QKI: variants seen among roughly 807,000 people sequenced by gnomAD.
The protein encoded by QKI is KH domain-containing RNA-binding protein QKI.
QKI carries 10 observed loss-of-function variants against 39.0 expected under a neutral mutation model. That is an observed-to-expected ratio of 0.26 (90% CI 0.16 to 0.43). The LOEUF (loss-of-function observed/expected upper bound fraction) is 0.43. QKI is among the 20% of genes least tolerant of loss of function. The pLI is 1.00. For missense variants in QKI, 218 were observed against 428.0 expected, an observed-to-expected ratio of 0.51 and a Z score of 4.33; for synonymous variants, 204 against 155.4, an observed-to-expected ratio of 1.31 and a Z score of -2.33.
intron 3 of QKI, among the ~76,000 whole-genome samples, chr6:163,492,586 T>C (rs1016683158): frequency 1.3e-5 from 2 of 152,188 alleles, no homozygotes; most frequent in Non-Finnish European, 2.9e-5. Context: ...CTTAAGATTT[T>C]TGGTGAATTA....
intron 2 of QKI, among the ~76,000 whole-genome samples, chr6:163,476,556 C>T (rs1019902586): frequency 3.3e-5 from 5 of 152,124 alleles, no homozygotes; most frequent in Admixed American, 2.6e-4. Context: ...GAATTCTTTT[C>T]GTGGGTTATT....
At chr6:163,473,495 A>G (rs1052525197) in intron 2 of QKI, among the ~76,000 whole-genome samples, 6 of 152,196 alleles carry the variant, frequency 3.9e-5, no homozygotes, top group Non-Finnish European at 8.8e-5. Context: ...CTTTTAAAAC[A>G]CTTTTGAAGA....
intron 4 of QKI, among the ~76,000 whole-genome samples, chr6:163,558,713 T>A (rs1021809527): frequency 6.6e-6 from 1 of 152,112 alleles, no homozygotes; most frequent in African/African-American, 2.4e-5. Context: ...AACCCTGTTG[T>A]CTCTTAAGAC....
In QKI at chr6:163,572,861, G is replaced by T. The variant is rs1783785536; in HGVS notation, c.*2151G>T. ...CATTGTTTTGTATCCAGCTAGCTTT[G>T]GTTTAATATGCCACTGCTTTGTCTT... is the stretch of plus-strand genomic sequence containing the variant. On this transcript the variant is annotated 3_prime_UTR_variant, in exon 8 of 8. Transcript: ENST00000361752. 1 of 151,876 alleles carries T rather than the reference G, an allele frequency of 6.6e-6. No homozygotes were observed. Among genetic ancestry groups the T allele is most frequent in the South Asian group, 2.1e-4 (1 of 4,820 alleles). The allele number at this position is 151,876 out of a possible 1,614,324, so 9.4% of individuals were successfully genotyped here. A position where few individuals can be genotyped will look rare whatever the true frequency, so the allele number is the denominator to read the frequency against.
chr6:163,517,912 G>A (rs1164083054), intron 3 of QKI, among the ~76,000 whole-genome samples: 1 of 152,100 alleles, frequency 6.6e-6, no homozygotes, highest in Non-Finnish European at 1.5e-5. Context: ...GAAGGTTAAG[G>A]TAAATCTGGT....
chr6:163,461,464 G>C (rs1307749344), intron 2 of QKI, among the ~76,000 whole-genome samples: 1 of 152,156 alleles, frequency 6.6e-6, no homozygotes, highest in Non-Finnish European at 1.5e-5. Flanking sequence ...GAAAGATGGG[G>C]TTGTTAGGGA....
At chr6:163,560,322 A>G (rs546368807) in intron 4 of QKI, among the ~76,000 whole-genome samples, 38 of 152,272 alleles carry the variant, frequency 2.5e-4, no homozygotes, top group African/African-American at 7.2e-4. Context: ...TTTTTCATCA[A>G]TGTTATAATG....
intron 3 of QKI, among the ~76,000 whole-genome samples, chr6:163,507,660 AC>A (rs1779184087): frequency 6.6e-6 from 1 of 152,210 alleles, no homozygotes; most frequent in South Asian, 2.1e-4. Context: ...GTGAACTAAG[AC>A]CATAGTTGGC....
chr6:163,523,655 C>G (rs1431172936), intron 3 of QKI, among the ~76,000 whole-genome samples: 1 of 152,076 alleles, frequency 6.6e-6, no homozygotes, highest in Non-Finnish European at 1.5e-5. Context: ...TTGTAGAATT[C>G]AGAGCTACTT....
intron 3 of QKI, among the ~76,000 whole-genome samples, chr6:163,532,138 C>T (rs951631244): frequency 6.6e-6 from 1 of 152,156 alleles, no homozygotes. Flanking sequence ...CTTTTAAATT[C>T]TCTGGCTTTT....
Position 163,572,374 on chromosome 6 carries a change from C to G in QKI, c.*1664C>G. On this transcript the variant is annotated 3_prime_UTR_variant, in exon 8 of 8. Transcript: ENST00000361752. ...TCTAGAAAACAATGTTTTAAATCAC[C>G]CAAATTTAATCACATGTCTTTATAT... is the stretch of plus-strand genomic sequence containing the variant. 1 of 152,006 alleles carries G rather than the reference C, an allele frequency of 6.6e-6. No individual in the cohort carries two copies. The highest frequency in any genetic ancestry group is 1.9e-4 in the East Asian group (1 of 5,184). The allele number at this position is 152,006 out of a possible 1,614,324, so 9.4% of individuals were successfully genotyped here.
chr6:163,497,127 T>C (rs1353207778), intron 3 of QKI, among the ~76,000 whole-genome samples: 1 of 152,216 alleles, frequency 6.6e-6, no homozygotes, highest in Non-Finnish European at 1.5e-5. Context: ...AAGACATTAT[T>C]AATTGAATAT....
chr6:163,481,309 GTTTTAC>G (rs1252766474), intron 3 of QKI, among the ~76,000 whole-genome samples: 5 of 152,128 alleles, frequency 3.3e-5, no homozygotes, highest in Non-Finnish European at 7.4e-5. Flanking sequence ...CTGATTGCCT[GTTTTAC>G]TTTTAACACA....
intron 2 of QKI, among the ~76,000 whole-genome samples, chr6:163,468,612 A>G (rs1791952648): frequency 6.6e-6 from 1 of 152,226 alleles, no homozygotes; most frequent in Non-Finnish European, 1.5e-5. Context: ...TTCTTTGTAA[A>G]TTAACATGCC....
Position 163,491,408 on chromosome 6 carries a change from G to C in QKI, c.402+12512G>C, listed in dbSNP as rs537725545. On this transcript the variant is annotated intron_variant, in intron 3 of 7. Transcript: ENST00000361752. ...ACTGTGACGTGGTATGTTTGTTTCAGGATTGTAAACTAGCTCCCTGGTGTC... is the reference window on the plus strand; with the variant it reads ...ACTGTGACGTGGTATGTTTGTTTCACGATTGTAAACTAGCTCCCTGGTGTC... Among the ~76,000 whole-genome samples the C allele has an allele frequency of 9.2e-5, 14 of 152,150 alleles. No homozygotes were observed. In the South Asian group the frequency reaches 2.9e-3, roughly 32 times the overall value.
At chr6:163,552,938 C>G (rs1194335301) in intron 4 of QKI, among the ~76,000 whole-genome samples, 1 of 151,606 alleles carries the variant, frequency 6.6e-6, no homozygotes, top group Admixed American at 6.6e-5. Flanking sequence ...CACCTCTAAG[C>G]CTCCTCACCA....
intron 1 of QKI, among the ~76,000 whole-genome samples, chr6:163,447,245 C>T (rs1431483156): frequency 2.2e-5 from 3 of 135,562 alleles, no homozygotes; most frequent in South Asian, 2.3e-4. Flanking sequence ...ATGAGGTGCA[C>T]GTGATTTTTT....
chr6:163,418,961 T>C (rs753965441), intron 1 of QKI, among the ~76,000 whole-genome samples: 2 of 152,134 alleles, frequency 1.3e-5, no homozygotes, highest in South Asian at 2.1e-4. Context: ...AAGCTGCTGA[T>C]AGGGAAATAA....
At chr6:163,537,864 T>C (rs1289197777) in intron 4 of QKI, among the ~76,000 whole-genome samples, 3 of 152,228 alleles carry the variant, frequency 2.0e-5, no homozygotes, top group African/African-American at 7.2e-5. Flanking sequence ...TGCAGTCTAT[T>C]GTTACCTTTC....
Sources: gnomAD v4.1 joint callset for allele counts (sites outside exome capture counted in the v4.1 genomes callset) on GRCh38, gnomAD v4.1.1 for gene constraint, MANE v1.5 for transcripts, NCBI Gene and HGNC (gene_info 2026-07-23, HGNC 2026-07-21) for gene names.